NME5: variants seen among roughly 807,000 people sequenced by gnomAD.
NME5 encodes NME/NM23 family member 5, also known as nucleoside diphosphate kinase 5.
A neutral mutation model predicts 21.6 loss-of-function variants in NME5; 18 were observed. That is an observed-to-expected ratio of 0.83 (90% confidence interval 0.58 to 1.24). NME5 has a LOEUF of 1.24. Among genes scored for constraint, NME5 ranks in the 50% most tolerant of loss-of-function variants. The pLI is 0.00. For missense variants in NME5, 223 were observed against 255.4 expected (o/e 0.87, Z 0.86); for synonymous variants, 70 against 80.6 (o/e 0.87, Z 0.71).
chr5:138,129,016 G>A (rs1487554517), intron 3 of NME5, among the ~76,000 whole-genome samples: 2 of 152,094 alleles, frequency 1.3e-5, no homozygotes, highest in Admixed American at 1.3e-4. Context: ...GAGAGAATAA[G>A]GGTAATCAAC....
intron 4 of NME5, chr5:138,127,463 A>C: frequency 3.1e-6 from 3 of 977,740 alleles, no homozygotes; most frequent in Non-Finnish European, 3.6e-6. Context: ...TTTCTGTTTT[A>C]TTTGAATGAA....
intron 1 of NME5, 142 bp from the exon 2 acceptor site, chr5:138,138,927 T>C (rs1751794998): frequency 2.7e-6 from 2 of 747,958 alleles, no homozygotes; most frequent in East Asian, 2.6e-5. Context: ...CTGATGAAGG[T>C]AGAAACTGCC....
At chr5:138,136,933 G>A (rs913964358) in intron 2 of NME5, among the ~76,000 whole-genome samples, 1 of 151,390 alleles carries the variant, frequency 6.6e-6, no homozygotes, top group Non-Finnish European at 1.5e-5. Flanking sequence ...ATGAGCCACC[G>A]TGCCTGGCCT....
intron 4 of NME5, among the ~76,000 whole-genome samples, chr5:138,125,675 T>A (rs1007641566): frequency 1.3e-5 from 2 of 152,290 alleles, no homozygotes; most frequent in Admixed American, 1.3e-4. Context: ...AGTACAGTGG[T>A]ACAATCTCGG....
chr5:138,135,681 T>C (rs1487076415), intron 2 of NME5, among the ~76,000 whole-genome samples: 1 of 152,184 alleles, frequency 6.6e-6, no homozygotes, highest in Non-Finnish European at 1.5e-5. Context: ...TTTATCTGTA[T>C]ACTTCATTTA....
rs917645680 is a variant in NME5 at position 138,138,322 on chromosome 5, G to T, written c.129+330C>A. On this transcript the variant is annotated intron_variant, in intron 2 of 5. Coordinates refer to ENST00000265191, the MANE Select transcript of NME5 (RefSeq NM_003551.3). ...AATCCTATCTGAGGGACTCTGTAAAGGGGTCAAGGGAAAGGGACTGTTCTG... is the reference window on the plus strand; with the variant it reads ...AATCCTATCTGAGGGACTCTGTAAATGGGTCAAGGGAAAGGGACTGTTCTG... 6 of 219,082 alleles carry T rather than the reference G, an allele frequency of 2.7e-5. No individual in the cohort carries two copies. In the Admixed American group the frequency reaches 3.6e-4, roughly 13 times the overall value. The allele number at this position is 219,082 out of a possible 1,614,324, so 13.6% of individuals were successfully genotyped here.
chr5:138,133,348 TG>T (rs1751618035), intron 2 of NME5, among the ~76,000 whole-genome samples: 1 of 152,096 alleles, frequency 6.6e-6, no homozygotes, highest in African/African-American at 2.4e-5. Flanking sequence ...CCTCATGATC[TG>T]CCGCCTCGGC....
intron 4 of NME5, among the ~76,000 whole-genome samples, chr5:138,122,010 T>A (rs900211496): frequency 6.6e-6 from 1 of 152,062 alleles, no homozygotes; most frequent in African/African-American, 2.4e-5. Context: ...GTTAATTAAT[T>A]TAGAAAGAAT....
intron 2 of NME5, among the ~76,000 whole-genome samples, chr5:138,130,662 C>G (rs1411334645): frequency 6.6e-6 from 1 of 151,816 alleles, no homozygotes; most frequent in Non-Finnish European, 1.5e-5. Context: ...CGGTAGCTCA[C>G]GCCTGTAATC....
intron 2 of NME5, 94 bp from the exon 3 acceptor site, chr5:138,129,562 G>C (rs1751511926): frequency 1.3e-6 from 1 of 775,694 alleles, no homozygotes; most frequent in Non-Finnish European, 2.2e-6. Flanking sequence ...GTACCAATCT[G>C]ATTATAACTT....
chr5:138,123,578 T>C (rs1751334124), intron 4 of NME5, among the ~76,000 whole-genome samples: 1 of 152,226 alleles, frequency 6.6e-6, no homozygotes, highest in Admixed American at 6.5e-5. Flanking sequence ...TATTACATTG[T>C]GTATATACAC....
chr5:138,127,471 G>A, intron 4 of NME5: 1 of 976,066 alleles, frequency 1.0e-6, no homozygotes. Flanking sequence ...TTATTTGAAT[G>A]AATATCCAGT....
chr5:138,128,592 T>C lies in NME5; in HGVS notation c.336-13A>G, dbSNP rs1751486660. 1 of 1,578,268 alleles carries C rather than the reference T, an allele frequency of 6.3e-7. No homozygotes were observed. Among genetic ancestry groups the C allele is most frequent in the Non-Finnish European group, 8.7e-7 (1 of 1,153,022 alleles). The stretch of plus-strand genomic sequence containing the variant: ...AATTGCCCTCAGACTAAAAACAAGT[T>C]AGAGATGACGTCCATCCAATCTAAC... On this transcript the variant is annotated splice_polypyrimidine_tract_variant and intron_variant, in intron 3 of 5. Coordinates refer to ENST00000265191, the MANE Select transcript of NME5 (RefSeq NM_003551.3).
intron 3 of NME5, 34 bp downstream of exon 3, chr5:138,129,229 C>A (rs2151165189): frequency 7.1e-7 from 1 of 1,411,132 alleles, no homozygotes. Context: ...AGATGGATTC[C>A]ATTCCCTGCC....
intron 1 of NME5, 116 bp downstream of exon 1, chr5:138,139,255 G>T (rs1751812764): frequency 3.5e-6 from 2 of 578,680 alleles, no homozygotes; most frequent in Non-Finnish European, 4.4e-6. Flanking sequence ...ACCCTGTCCC[G>T]CAGGGACCTC....
chr5:138,134,017 A>C (rs1393334186), intron 2 of NME5, among the ~76,000 whole-genome samples: 3 of 152,212 alleles, frequency 2.0e-5, no homozygotes, highest in Non-Finnish European at 4.4e-5. Context: ...TAAAGCAAAA[A>C]ATGAAGGATG....
chr5:138,131,204 T>TAAAAAAAAAAAAAA (rs762579967), intron 2 of NME5, among the ~76,000 whole-genome samples: 1 of 80,876 alleles, frequency 1.2e-5, no homozygotes, highest in African/African-American at 6.2e-5. Context: ...CCGTCTCTGC[T>TAAAAAAAAAAAAAA]AAAAAAAAAA....
intron 4 of NME5, among the ~76,000 whole-genome samples, chr5:138,120,238 T>C (rs973346352): frequency 1.1e-4 from 16 of 145,558 alleles, no homozygotes; most frequent in African/African-American, 4.1e-4. Context: ...CTCTTTTTTT[T>C]TTTTTTTTTT....
At chr5:138,128,719 C>T (rs1211934326) in intron 3 of NME5, 140 bp from the exon 4 acceptor site, 3 of 575,396 alleles carry the variant, frequency 5.2e-6, no homozygotes, top group Non-Finnish European at 9.0e-6. Context: ...CAAATTTAAG[C>T]TTAAATTTAA....
Sources: allele counts gnomAD v4.1 joint callset (sites outside exome capture counted in the v4.1 genomes callset), GRCh38; gene constraint gnomAD v4.1.1; transcripts MANE v1.5; gene names NCBI Gene and HGNC (gene_info 2026-07-23, HGNC 2026-07-21).